COPG1: variants seen among roughly 807,000 people sequenced by gnomAD.
The protein encoded by COPG1 is coatomer subunit gamma-1.
Under a neutral mutation model 102.8 loss-of-function variants are expected in COPG1, and 29 were observed. That is an observed-to-expected ratio of 0.28 (90% CI 0.21 to 0.38). The LOEUF is 0.38. Among genes scored for constraint, COPG1 ranks in the 10% least tolerant of loss-of-function variants. The probability of loss-of-function intolerance (pLI) is 1.00; values close to 1 mark genes in which losing one functional copy is unlikely to be tolerated. For missense variants in COPG1, 875 were observed against 1,132.7 expected, an observed-to-expected ratio of 0.77 and a Z score of 3.27; for synonymous variants, 406 against 421.6, an observed-to-expected ratio of 0.96 and a Z score of 0.45.
chr3:129,274,280 G>A (rs1375245834), intron 21 of COPG1: 1 of 353,452 alleles, frequency 2.8e-6, no homozygotes, highest in Admixed American at 3.7e-5. Flanking sequence ...AATCTGATGG[G>A]AGAATGAATG....
At chr3:129,250,431 G>A (rs1340711279) in intron 1 of COPG1, among the ~76,000 whole-genome samples, 2 of 152,220 alleles carry the variant, frequency 1.3e-5, no homozygotes, top group East Asian at 1.9e-4. Flanking sequence ...CACAAGACAT[G>A]GCACCATGAG....
chr3:129,264,069 T>C (rs146216606), intron 13 of COPG1, 70 bp downstream of exon 13: 106 of 1,275,534 alleles, frequency 8.3e-5, no homozygotes, highest in Non-Finnish European at 1.1e-4. Flanking sequence ...ACTGGCTCCA[T>C]GCTCAGCTTT....
In COPG1 at chr3:129,260,247, G is replaced by C; in HGVS notation, c.872-86G>C. On this transcript the variant is annotated intron_variant, in intron 10 of 23. Coordinates refer to ENST00000314797, the MANE Select transcript of COPG1 (RefSeq NM_016128.4). ...TCAGCAGGGAAATGAGCTGAGCAGA[G>C]GGTTTGAGTCAGAACAGTAGCCCCC... 7 of 1,221,460 alleles carry C rather than the reference G, an allele frequency of 5.7e-6. No individual in the cohort carries two copies. In the South Asian group the frequency reaches 8.9e-5, roughly 16 times the overall value. 75.7% of individuals were successfully genotyped at this position (1,221,460 alleles called of 1,614,324 possible).
intron 15 of COPG1, chr3:129,267,335 A>G: frequency 2.7e-6 from 1 of 364,868 alleles, no homozygotes; most frequent in Non-Finnish European, 5.1e-6. Context: ...AAATAGCTCT[A>G]TTGAAGCCGG....
In COPG1 at chr3:129,272,847, G is replaced by A; in HGVS notation, c.2199G>A (p.Lys733=). The change falls in exon 21 of 24, where the codon AAG becomes AAA. Residue 733 remains lysine, a synonymous_variant. Coordinates refer to ENST00000314797, the MANE Select transcript of COPG1 (RefSeq NM_016128.4). ...TFSCMMKFTV[K]DCDPTTGETD... ...GCTGCATGATGAAGTTCACTGTCAA[G>A]GACTGTGATCCCACCACTGGGGAGA... The A allele has an allele frequency of 6.2e-7, 1 of 1,613,258 alleles. No individual in the cohort carries two copies. The highest frequency in any genetic ancestry group is 8.5e-7 in the Non-Finnish European group (1 of 1,179,422).
At chr3:129,256,219 G>A in intron 8 of COPG1, 65 bp downstream of exon 8, 1 of 1,374,072 alleles carries the variant, frequency 7.3e-7, no homozygotes, top group Non-Finnish European at 1.0e-6. Flanking sequence ...CTGGCCAGTT[G>A]GCATGGACAC....
chr3:129,254,823 C>T lies in COPG1; in HGVS notation c.399+80C>T, dbSNP rs150896652. 246 of 1,369,670 alleles carry T rather than the reference C, an allele frequency of 1.8e-4. 3 individuals are homozygous for T. Among genetic ancestry groups the T allele is most frequent in the African/African-American group, 1.6e-3 (108 of 69,450 alleles). The allele number at this position is 1,369,670 out of a possible 1,614,324, so 84.8% of individuals were successfully genotyped here. On this transcript the variant is annotated intron_variant, in intron 6 of 23. Transcript: ENST00000314797. Reference sequence around the variant, plus strand: ...TCATCTTTTGCATTCTTTGGGGTGTCCCCTATCACTGAGCCAGGTGATGTG... The same window carrying T: ...TCATCTTTTGCATTCTTTGGGGTGTTCCCTATCACTGAGCCAGGTGATGTG...
chr3:129,272,870 A>C lies in COPG1; in HGVS notation c.2222A>C (p.Glu741Ala), dbSNP rs2107679504. The C allele has an allele frequency of 6.2e-7, 1 of 1,612,272 alleles. No individual in the cohort carries two copies. ...TVKDCDPTTG[E>A]TDDEGYEDEY... ...AAGGACTGTGATCCCACCACTGGGG[A>C]GACTGATGACGAAGGCTATGAGGAT... The change falls in exon 21 of 24, where the codon GAG (glutamate) becomes GCG (alanine). Residue 741 changes from glutamate to alanine, a missense_variant. Transcript: ENST00000314797.
At chr3:129,259,097 G>A (rs1939871084) in intron 10 of COPG1, among the ~76,000 whole-genome samples, 1 of 152,132 alleles carries the variant, frequency 6.6e-6, no homozygotes, top group Admixed American at 6.6e-5. Context: ...CTATAACAGT[G>A]TAAACTTGGT....
chr3:129,254,783 A>C lies in COPG1; in HGVS notation c.399+40A>C, dbSNP rs112007954. Reference sequence around the variant, plus strand: ...TTCCTCCCTGCTTCCTGGCCTCTTGATTGAGGCCTCGGCATCATCTTTTGC... The same window carrying C: ...TTCCTCCCTGCTTCCTGGCCTCTTGCTTGAGGCCTCGGCATCATCTTTTGC... On this transcript the variant is annotated intron_variant, in intron 6 of 23. Coordinates refer to ENST00000314797, the MANE Select transcript of COPG1 (RefSeq NM_016128.4). 1,238 of 1,541,840 alleles carry C rather than the reference A, an allele frequency of 8.0e-4. 6 individuals carry two copies. In the African/African-American group the frequency reaches 0.013, roughly 16 times the overall value.
At chr3:129,253,859 G>A (rs963670067) in intron 5 of COPG1, among the ~76,000 whole-genome samples, 5 of 152,120 alleles carry the variant, frequency 3.3e-5, no homozygotes, top group Admixed American at 2.0e-4. Flanking sequence ...AATTAGCCAG[G>A]TGTGGTGGCG....
Position 129,251,371 on chromosome 3 carries a change from T to TA in COPG1, c.90+637_90+638insA, listed in dbSNP as rs1381933366. ...TGTTTATTTTTATTATATATATTTT[T>TA]TATATATATATATATATGTATTTTT... On this transcript the variant is annotated intron_variant, in intron 2 of 23. Coordinates refer to ENST00000314797, the MANE Select transcript of COPG1 (RefSeq NM_016128.4). 5.5e-5 allele frequency among the ~76,000 whole-genome samples: 8 copies of TA among 146,676 alleles called. No individual in the cohort carries two copies. The East Asian group carries it at 1.6e-3, about 29-fold the overall frequency.
chr3:129,251,353 T>G (rs1939693118), intron 2 of COPG1, among the ~76,000 whole-genome samples: 1 of 147,100 alleles, frequency 6.8e-6, no homozygotes, highest in Non-Finnish European at 1.5e-5. Flanking sequence ...ACTTGTTTAT[T>G]TTTATTATAT....
chr3:129,276,283 T>A (rs1940268805), intron 23 of COPG1, among the ~76,000 whole-genome samples: 1 of 152,228 alleles, frequency 6.6e-6, no homozygotes, highest in African/African-American at 2.4e-5. Context: ...TTCTGATCAT[T>A]GTCTTCATAT....
At position 129,263,959 on chromosome 3, in the gene COPG1, C is replaced by T; in HGVS notation, c.1184C>T (p.Ala395Val). Residue 395 changes from alanine (A) to valine (V), a missense_variant, in exon 13 of 24, where the codon GCC (alanine) becomes GTC (valine). By Grantham distance (64) the Ala-to-Val change is moderately conservative. Coordinates refer to ENST00000314797, the MANE Select transcript of COPG1 (RefSeq NM_016128.4). ...TGTCAGAAATATCCTCGCAAACACGCCGTCCTTATGAACTTCCTGTTCACC... is the reference window on the plus strand; with the variant it reads ...TGTCAGAAATATCCTCGCAAACACGTCGTCCTTATGAACTTCCTGTTCACC... ...ALCQKYPRKH[A>V]VLMNFLFTML... is the part of the protein sequence containing the mutation. 1.2e-6 allele frequency: 2 copies of T among 1,614,170 alleles called. No homozygotes were observed. Among genetic ancestry groups the T allele is most frequent in the Non-Finnish European group, 1.7e-6 (2 of 1,180,018 alleles).
intron 23 of COPG1, among the ~76,000 whole-genome samples, chr3:129,276,268 TC>T (rs1430675587): frequency 6.6e-6 from 1 of 152,240 alleles, no homozygotes; most frequent in Non-Finnish European, 1.5e-5. Flanking sequence ...CATTTGTATT[TC>T]CTTTTCTGAT....
rs1420803525 is a variant in COPG1, at chr3:129,277,479, G to A, written c.*55G>A. On this transcript the variant is annotated 3_prime_UTR_variant, in exon 24 of 24. Coordinates refer to ENST00000314797, the MANE Select transcript of COPG1 (RefSeq NM_016128.4). ...TTCCCCAACACTACCTGGAAGTTGT[G>A]CCTTCCTCATGAAACTGGCAGAAAC... The A allele has an allele frequency of 7.0e-6, 11 of 1,578,008 alleles. No individual in the cohort carries two copies. The Admixed American group carries it at 1.4e-4, about 20-fold the overall frequency.
intron 13 of COPG1, among the ~76,000 whole-genome samples, chr3:129,264,869 T>G (rs565662553): frequency 2.6e-5 from 4 of 152,072 alleles, no homozygotes; most frequent in Non-Finnish European, 5.9e-5. Context: ...CTGCCCAGGC[T>G]GGAGTGCAGT....
At chr3:129,277,205 C>A in intron 23 of COPG1, 89 bp from the exon 24 acceptor site, 1 of 1,376,988 alleles carries the variant, frequency 7.3e-7, no homozygotes, top group Non-Finnish European at 1.0e-6. Context: ...ACCAGAGCTG[C>A]CTTCATGGGT....
Sources: gnomAD v4.1 joint callset for allele counts (sites outside exome capture counted in the v4.1 genomes callset) on GRCh38, gnomAD v4.1.1 for gene constraint, MANE v1.5 for transcripts, NCBI Gene and HGNC (gene_info 2026-07-23, HGNC 2026-07-21) for gene names.